The following BMPR2 variants were observed in gnomAD, a reference collection of about 807,000 sequenced individuals.
BMPR2 encodes bone morphogenetic protein receptor type 2.
BMPR2 carries 29 observed loss-of-function variants against 100.8 expected under a neutral mutation model. The observed-to-expected ratio is 0.29, with a 90% CI of 0.21 to 0.39. The LOEUF is 0.39. Ranked by LOEUF, BMPR2 falls within the 10% of genes least tolerant of loss-of-function variation. The pLI, the probability that BMPR2 is intolerant of heterozygous loss-of-function variation, is 1.00. For synonymous variants in BMPR2, 382 were observed against 442.3 expected (o/e 0.86, Z 1.71); for missense variants, 1,011 against 1,274.5 (o/e 0.79, Z 3.15).
intron 1 of BMPR2, among the ~76,000 whole-genome samples, chr2:202,457,087 C>T (rs1416795301): frequency 6.6e-6 from 1 of 151,968 alleles, no homozygotes; most frequent in Non-Finnish European, 1.5e-5. Flanking sequence ...CTATTGTCTG[C>T]CAAATTGACC....
intron 1 of BMPR2, among the ~76,000 whole-genome samples, chr2:202,438,139 C>A (rs1691653966): frequency 6.7e-6 from 1 of 149,706 alleles, no homozygotes; most frequent in Non-Finnish European, 1.5e-5. Context: ...CATGGAGAAA[C>A]CCTGCCTCTA....
At chr2:202,537,354 G>A (rs1419989176) in intron 9 of BMPR2, among the ~76,000 whole-genome samples, 2 of 152,146 alleles carry the variant, frequency 1.3e-5, no homozygotes, top group East Asian at 3.8e-4. Flanking sequence ...AAACTACTGT[G>A]TTCAAAGAAT....
intron 3 of BMPR2, among the ~76,000 whole-genome samples, chr2:202,475,908 T>TA (rs200022935): frequency 0.05 from 7,432 of 149,736 alleles, 611 homozygotes; most frequent in African/African-American, 0.17. Flanking sequence ...CCGTCTCTAC[T>TA]AAAAAAAAAT....
At chr2:202,553,366 C>G (rs931006645) in intron 11 of BMPR2, among the ~76,000 whole-genome samples, 18 of 152,032 alleles carry the variant, frequency 1.2e-4, no homozygotes, top group African/African-American at 4.1e-4. Flanking sequence ...TATACTACTA[C>G]TACTTTTATA....
At chr2:202,456,801 C>T (rs1325273524) in intron 1 of BMPR2, among the ~76,000 whole-genome samples, 3 of 152,144 alleles carry the variant, frequency 2.0e-5, no homozygotes, top group Non-Finnish European at 4.4e-5. Context: ...AGGTATGAGC[C>T]ACTGTGTCCA....
rs377734779 is a variant in BMPR2, at chr2:202,474,460, C to CA, written c.418+6779dup. On this transcript the variant is annotated intron_variant, in intron 3 of 12. Transcript: ENST00000374580. The stretch of plus-strand genomic sequence containing the variant: ...TGGGCAACAGAAAGAGATTCCGTCT[C>CA]AAAAAAAACCAAAAACAAAACAAAA... Among the ~76,000 whole-genome samples, 771 of 151,560 alleles carry CA rather than the reference C, an allele frequency of 5.1e-3. 5 individuals carry two copies. Among genetic ancestry groups the CA allele is most frequent in the South Asian group, 0.015 (70 of 4,798 alleles).
At chr2:202,515,757 C>T (rs887076944) in intron 5 of BMPR2, among the ~76,000 whole-genome samples, 5 of 151,462 alleles carry the variant, frequency 3.3e-5, no homozygotes, top group Admixed American at 1.3e-4. Flanking sequence ...GGAGTGGTGG[C>T]GCCCGCCTGT....
chr2:202,403,483 C>A (rs904838277), intron 1 of BMPR2, among the ~76,000 whole-genome samples: 2 of 152,070 alleles, frequency 1.3e-5, no homozygotes, highest in African/African-American at 4.8e-5. Context: ...CAGGCATGAG[C>A]CTTTTTTTCT....
intron 1 of BMPR2, among the ~76,000 whole-genome samples, chr2:202,422,347 C>T (rs1467653544): frequency 1.3e-5 from 2 of 150,420 alleles, no homozygotes; most frequent in Admixed American, 6.6e-5. Context: ...TGCTCTGTCG[C>T]CCAGGCTGGA....
At chr2:202,559,020 C>CTGGGCAT (rs1326053218) in intron 12 of BMPR2, among the ~76,000 whole-genome samples, 1 of 151,808 alleles carries the variant, frequency 6.6e-6, no homozygotes, top group African/African-American at 2.4e-5. Flanking sequence ...TTGATCCAGG[C>CTGGGCAT]TGGGCATGGT....
intron 3 of BMPR2, among the ~76,000 whole-genome samples, chr2:202,476,205 A>G (rs555915438): frequency 1.3e-5 from 2 of 151,956 alleles, no homozygotes; most frequent in African/African-American, 4.8e-5. Flanking sequence ...AATAATTTCC[A>G]TGTCTTTATT....
intron 1 of BMPR2, among the ~76,000 whole-genome samples, chr2:202,457,592 A>T (rs1692145884): frequency 1.4e-5 from 2 of 145,344 alleles, no homozygotes; most frequent in South Asian, 4.3e-4. Flanking sequence ...AGAGAGAGAG[A>T]GTATTATAGA....
intron 1 of BMPR2, among the ~76,000 whole-genome samples, chr2:202,416,427 A>ATTTTTTT (rs57196325): frequency 2.0e-4 from 27 of 137,014 alleles, no homozygotes; most frequent in African/African-American, 7.4e-4. Context: ...CACCTGGATA[A>ATTTTTTT]TTTTTTTTTT....
chr2:202,484,841 T>C (rs1574472282), intron 3 of BMPR2, among the ~76,000 whole-genome samples: 2 of 143,462 alleles, frequency 1.4e-5, no homozygotes, highest in South Asian at 4.5e-4. Flanking sequence ...TGGTGGCGGT[T>C]GCCTGTAGTC....
chr2:202,389,950 G>A (rs1190038030), intron 1 of BMPR2, among the ~76,000 whole-genome samples: 1 of 151,640 alleles, frequency 6.6e-6, no homozygotes, highest in Non-Finnish European at 1.5e-5. Context: ...CATTAAAAAG[G>A]GTTTTTAAAC....
intron 1 of BMPR2, among the ~76,000 whole-genome samples, chr2:202,395,668 G>GCCCATGCCTGTAAT (rs1425900795): frequency 7.2e-5 from 11 of 152,212 alleles, no homozygotes; most frequent in Non-Finnish European, 1.5e-4. Context: ...GAATGCGGTG[G>GCCCATGCCTGTAAT]CCCATGCCTG....
At chr2:202,547,761 C>T (rs948517108) in intron 10 of BMPR2, among the ~76,000 whole-genome samples, 4 of 118,930 alleles carry the variant, frequency 3.4e-5, no homozygotes, top group Admixed American at 2.2e-4. Flanking sequence ...CCAGCCTGGA[C>T]GACAGAGCAA....
At chr2:202,474,543 C>T (rs893421145) in intron 3 of BMPR2, among the ~76,000 whole-genome samples, 2 of 152,050 alleles carry the variant, frequency 1.3e-5, no homozygotes. Context: ...TTTTTTGAGG[C>T]GGAGTCTCGC....
rs111523279 is a variant in BMPR2 at position 202,471,912 on chromosome 2, T to TTGTGTG, written c.418+4245_418+4250dup. 5.5e-3 allele frequency among the ~76,000 whole-genome samples: 806 copies of TTGTGTG among 147,842 alleles called. 6 individuals carry two copies. The highest frequency in any genetic ancestry group is 0.018 in the African/African-American group (729 of 40,386). On this transcript the variant is annotated intron_variant, in intron 3 of 12. Coordinates refer to ENST00000374580, the MANE Select transcript of BMPR2 (RefSeq NM_001204.7). ...TACTGTGTATTGGTTCAAAAAAAGATTGTGTGTGTGTGTGTGTGTGTGTGT... is the reference window on the plus strand; with the variant it reads ...TACTGTGTATTGGTTCAAAAAAAGATTGTGTGTGTGTGTGTGTGTGTGTGTGTGTGT...
Sources: gnomAD v4.1 joint callset for allele counts (sites outside exome capture counted in the v4.1 genomes callset) on GRCh38, gnomAD v4.1.1 for gene constraint, MANE v1.5 for transcripts, NCBI Gene and HGNC (gene_info 2026-07-23, HGNC 2026-07-21) for gene names.